GOLGA3: variants seen among roughly 807,000 people sequenced by gnomAD.
GOLGA3 encodes the protein golgin A3.
A neutral mutation model predicts 169.4 loss-of-function variants in GOLGA3; 75 were observed. The ratio of observed to expected loss-of-function variants is 0.44; its 90% confidence interval spans 0.37 to 0.54. The LOEUF is 0.54. Among genes scored for constraint, GOLGA3 ranks in the 20% least tolerant of loss-of-function variants. GOLGA3 has a pLI of 0.00. For missense variants in GOLGA3, 1,899 were observed against 1,930.0 expected, an observed-to-expected ratio of 0.98 and a Z score of 0.30; for synonymous variants, 824 against 822.4, an observed-to-expected ratio of 1.00 and a Z score of -0.03.
At position 132,808,007 on chromosome 12, in the gene GOLGA3, G is replaced by A. The variant is rs759454848; in HGVS notation, c.1062C>T (p.Thr354=). ...CCTTAATGGAGGGGAACTGGCCCAG[G>A]GTATCCGCAGGAATCTCCTGGCCGT... ...MVNGQEIPAD[T]LGQFPSIKDV... The change falls in exon 5 of 24, where the codon ACC becomes ACT. Residue 354 remains threonine (T), a synonymous_variant. Coordinates refer to ENST00000450791, the MANE Select transcript of GOLGA3 (RefSeq NM_001389683.1). The A allele has an allele frequency of 2.5e-6, 4 of 1,611,838 alleles. No individual in the cohort carries two copies. The Admixed American group carries it at 6.7e-5, about 27-fold the overall frequency.
At position 132,804,517 on chromosome 12, in the gene GOLGA3, GA is replaced by G. The variant is rs1949288168; in HGVS notation, c.1597+198del. On this transcript the variant is annotated intron_variant, in intron 7 of 23. Coordinates refer to ENST00000450791, the MANE Select transcript of GOLGA3 (RefSeq NM_001389683.1). This position sits in a 1 kb window ranked among gnomAD's most constrained non-coding sequence, Gnocchi z 4.1. The stretch of plus-strand genomic sequence containing the variant: ...TCAGCACCAGGGAGGAGGGCGTGGC[GA>G]GGACCAGTCAGGGAAGGAGGGCGTG... Among the ~76,000 whole-genome samples, 1 of 151,676 alleles carries G rather than the reference GA, an allele frequency of 6.6e-6. No homozygotes were observed.
At chr12:132,788,330 G>A (rs2046034555) in intron 13 of GOLGA3, among the ~76,000 whole-genome samples, 2 of 152,158 alleles carry the variant, frequency 1.3e-5, no homozygotes, top group South Asian at 4.1e-4. Flanking sequence ...GTAGCACTTG[G>A]TCTAACGTGC....
rs367768989 is a variant in GOLGA3, at chr12:132,824,081, TCAAAAAA to T, written c.-183-1777_-183-1771del. On this transcript the variant is annotated intron_variant, in intron 1 of 23. Transcript: ENST00000450791. ...TGGGAGACAAGCACAAAACTCCATC[TCAAAAAA>T]CAAAAAACAACAAAAAAAAGAGAAG... is the stretch of plus-strand genomic sequence containing the variant. Among the ~76,000 whole-genome samples, 3 of 152,010 alleles carry T rather than the reference TCAAAAAA, an allele frequency of 2.0e-5. No homozygotes were observed. In the South Asian group the frequency reaches 6.2e-4, roughly 32 times the overall value.
At chr12:132,825,685 T>C (rs1232613830) in intron 1 of GOLGA3, 2 of 1,097,020 alleles carry the variant, frequency 1.8e-6, no homozygotes, top group East Asian at 2.4e-5. Flanking sequence ...AGCACCTTTT[T>C]TCAGTGGCCG....
At chr12:132,821,609 G>A (rs1219417665) in intron 2 of GOLGA3, among the ~76,000 whole-genome samples, 2 of 151,966 alleles carry the variant, frequency 1.3e-5, no homozygotes, top group Non-Finnish European at 2.9e-5. Flanking sequence ...CCAGCACTTT[G>A]AGGCTGAGGC....
intron 3 of GOLGA3, among the ~76,000 whole-genome samples, chr12:132,815,318 G>A (rs917734550): frequency 6.6e-6 from 1 of 152,186 alleles, no homozygotes; most frequent in African/African-American, 2.4e-5. Context: ...GGCGCCAGCA[G>A]GAACAGGTGA....
At position 132,782,325 on chromosome 12, in the gene GOLGA3, C is replaced by A; in HGVS notation, c.3436G>T (p.Glu1146Ter). 1 of 1,614,222 alleles carries A rather than the reference C, an allele frequency of 6.2e-7. No homozygotes were observed. ...AGGTTCAACTGGACTAGGTCTGCCT[C>A]CCTCTTGGCCAAAGCTGTTTCTAGG... ...SILETALAKR[E>*]ADLVQLNLQV... is the part of the protein sequence containing the mutation. Residue 1146 changes from glutamate (E) to a stop codon, truncating the protein, a stop_gained, in exon 17 of 24, where the codon GAG (glutamate) becomes TAG (stop). Coordinates refer to ENST00000450791, the MANE Select transcript of GOLGA3 (RefSeq NM_001389683.1). LOFTEE classifies it high-confidence loss of function.
At chr12:132,829,050 T>C (rs1950538647), upstream of GOLGA3, among the ~76,000 whole-genome samples, 1 of 152,234 alleles carries the variant, frequency 6.6e-6, no homozygotes, top group South Asian at 2.1e-4. Flanking sequence ...CTTCAGAAAG[T>C]GACCTTAAGA....
At chr12:132,820,514 C>G (rs1226949026) in intron 2 of GOLGA3, among the ~76,000 whole-genome samples, 1 of 152,172 alleles carries the variant, frequency 6.6e-6, no homozygotes, top group Non-Finnish European at 1.5e-5. Flanking sequence ...TCACCTGATG[C>G]TTATGTAGCA....
At chr12:132,820,089 T>A (rs370379184) in intron 2 of GOLGA3, among the ~76,000 whole-genome samples, 1 of 151,806 alleles carries the variant, frequency 6.6e-6, no homozygotes, top group South Asian at 2.1e-4. Flanking sequence ...AGGCAGAAGA[T>A]CGCTTGAACC....
chr12:132,776,209 C>T (rs1181413470), intron 21 of GOLGA3, among the ~76,000 whole-genome samples: 1 of 125,746 alleles, frequency 8.0e-6, no homozygotes, highest in East Asian at 2.7e-4. Flanking sequence ...CTGCTGCTCC[C>T]GCCTGTGTCC....
intron 2 of GOLGA3, among the ~76,000 whole-genome samples, chr12:132,821,579 A>G (rs10870519): frequency 0.4 from 61,042 of 151,922 alleles, 13,117 homozygotes; most frequent in East Asian, 0.72. Flanking sequence ...GGCCGGGCAC[A>G]GTGGCTCACA....
Position 132,795,842 on chromosome 12 carries a change from A to C in GOLGA3, c.2469+10T>G. On this transcript the variant is annotated intron_variant, in intron 11 of 23. Transcript: ENST00000450791. ...TCTGATTCAAAACAAAACACAGCAG[A>C]ATGCATTACCTGGCCGGATTTGATA... The C allele has an allele frequency of 6.2e-7, 1 of 1,607,844 alleles. No individual in the cohort carries two copies. The highest frequency in any genetic ancestry group is 8.5e-7 in the Non-Finnish European group (1 of 1,174,918).
rs528356148 is a variant in GOLGA3, at chr12:132,776,983, C to G, written c.3830G>C (p.Ser1277Thr). Residue 1277 changes from serine to threonine, a missense_variant, in exon 20 of 24, where the codon AGC (serine) becomes ACC (threonine). Physicochemically the swap from Ser to Thr is moderately conservative, Grantham distance 58 (BLOSUM62 1). Coordinates refer to ENST00000450791, the MANE Select transcript of GOLGA3 (RefSeq NM_001389683.1). ...CTCTTGGTTTCCCACGGGCTGTTTGCTGAGCTGCTCGTCCAGCTGCTTCTG... is the reference window on the plus strand; with the variant it reads ...CTCTTGGTTTCCCACGGGCTGTTTGGTGAGCTGCTCGTCCAGCTGCTTCTG... The part of the protein sequence containing the change: ...LLQKQLDEQL[S>T]KQPVGNQEME... The G allele has an allele frequency of 6.2e-7, 1 of 1,604,920 alleles. No homozygotes were observed. Among genetic ancestry groups the G allele is most frequent in the East Asian group, 2.2e-5 (1 of 44,848 alleles).
rs1218163343 is a variant in GOLGA3 at position 132,792,723 on chromosome 12, G to A, written c.2470-1430C>T. The stretch of plus-strand genomic sequence containing the variant: ...GCACTCGGAGGGCTCCACACGGACC[G>A]ACCGCACGGGACCTGCACTCGGAGG... On this transcript the variant is annotated intron_variant, in intron 11 of 23. Coordinates refer to ENST00000450791, the MANE Select transcript of GOLGA3 (RefSeq NM_001389683.1). Among the ~76,000 whole-genome samples the A allele has an allele frequency of 6.9e-5, 6 of 87,548 alleles. No individual in the cohort carries two copies. In the South Asian group the frequency reaches 1.6e-3, roughly 23 times the overall value. The allele number at this position is 87,548 out of a possible 152,430, so 57.4% of individuals were successfully genotyped here.
rs760964009 is a variant in GOLGA3 at position 132,776,650 on chromosome 12, AG to A, written c.3961del (p.Leu1321TyrfsTer21). 6.2e-7 allele frequency: 1 copy of A among 1,611,972 alleles called. No individual in the cohort carries two copies. Among genetic ancestry groups the A allele is most frequent in the Non-Finnish European group, 8.5e-7 (1 of 1,178,954 alleles). ...EQQGRKELEG[L>X]QQLLQNVKSE... is the part of the protein sequence containing the mutation. ...CACAGGTACCTGCAGCAGCTGCTGTAGCCCTTCCAGTTCCTTCCTGCCCTGC... is the reference window on the plus strand; with the variant it reads ...CACAGGTACCTGCAGCAGCTGCTGTACCCTTCCAGTTCCTTCCTGCCCTGC... On this transcript the variant is annotated frameshift_variant, in exon 21 of 24. Coordinates refer to ENST00000450791, the MANE Select transcript of GOLGA3 (RefSeq NM_001389683.1). LOFTEE classifies it high-confidence loss of function.
chr12:132,807,481 G>T (rs10870515), intron 5 of GOLGA3, among the ~76,000 whole-genome samples, 193 bp from the exon 6 acceptor site: 6,296 of 152,178 alleles, frequency 0.041, 194 homozygotes, highest in Middle Eastern at 0.099. Context: ...GGCACCTCAC[G>T]CAGTGGGAAC....
chr12:132,779,988 A>G (rs1262381812), intron 18 of GOLGA3, among the ~76,000 whole-genome samples: 2 of 122,982 alleles, frequency 1.6e-5, no homozygotes, highest in East Asian at 2.6e-4. Context: ...GCCCGCGTGC[A>G]CACACACCCC....
At chr12:132,811,331 A>T (rs1225155488) in intron 4 of GOLGA3, among the ~76,000 whole-genome samples, 5 of 152,110 alleles carry the variant, frequency 3.3e-5, no homozygotes, top group Admixed American at 6.5e-5. Context: ...CCCTCAACAG[A>T]GCAGCTACCC....
Sources: gnomAD v4.1 joint callset for allele counts (sites outside exome capture counted in the v4.1 genomes callset) on GRCh38, gnomAD v4.1.1 for gene constraint, Gnocchi (gnomAD v3.1) non-coding constraint, MANE v1.5 for transcripts, NCBI Gene and HGNC (gene_info 2026-07-23, HGNC 2026-07-21) for gene names.